Variants in HERC6 observed in about 807,000 individuals in gnomAD.
The protein encoded by HERC6 is probable E3 ubiquitin-protein ligase HERC6.
A neutral mutation model predicts 114.5 loss-of-function variants in HERC6; 101 were observed. That is an observed-to-expected ratio of 0.88 (90% CI 0.75 to 1.04). The LOEUF (loss-of-function observed/expected upper bound fraction) is 1.04, where lower values mean the gene tolerates loss of function less well. Among genes scored for constraint, HERC6 ranks in the 50% least tolerant of loss-of-function variants. The pLI is 0.00. For synonymous variants in HERC6, 408 were observed against 436.2 expected (o/e 0.94, Z 0.81); for missense variants, 1,133 against 1,230.9 (o/e 0.92, Z 1.19).
intron 7 of HERC6, among the ~76,000 whole-genome samples, chr4:88,397,242 A>C (rs1735287060): frequency 6.6e-6 from 1 of 151,544 alleles, no homozygotes; most frequent in African/African-American, 2.4e-5. Flanking sequence ...CCTCCTGAGT[A>C]GCTGGGATTA....
At chr4:88,384,530 G>A (rs928531705) in intron 2 of HERC6, among the ~76,000 whole-genome samples, 2 of 152,168 alleles carry the variant, frequency 1.3e-5, no homozygotes, top group African/African-American at 4.8e-5. Flanking sequence ...ATACTTAGGG[G>A]ATTTTCAAAC....
At position 88,442,704 on chromosome 4, in the gene HERC6, TC is replaced by T; in HGVS notation, c.*245del. ...GGACACACTCCCTGGCACTGAAGAG[TC>T]TGAACACTGGCCTGTGATTGGTCCA... On this transcript the variant is annotated 3_prime_UTR_variant, in exon 23 of 23. Transcript: ENST00000264346. The T allele has an allele frequency of 1.9e-6, 1 of 536,960 alleles. No homozygotes were observed. Among genetic ancestry groups the T allele is most frequent in the Non-Finnish European group, 3.4e-6 (1 of 298,232 alleles). The allele number at this position is 536,960 out of a possible 1,614,324, so 33.3% of individuals were successfully genotyped here.
chr4:88,393,677 C>A, intron 5 of HERC6, 95 bp downstream of exon 5: 2 of 627,292 alleles, frequency 3.2e-6, no homozygotes, highest in Non-Finnish European at 2.8e-6. Flanking sequence ...AGACATTAGC[C>A]CATTTGGGCC....
chr4:88,397,779 T>G (rs188289687), intron 7 of HERC6, among the ~76,000 whole-genome samples: 1 of 152,148 alleles, frequency 6.6e-6, no homozygotes, highest in Non-Finnish European at 1.5e-5. Context: ...CAATACACTT[T>G]TTTTCCATAA....
rs149917925 is a variant in HERC6 at position 88,421,277 on chromosome 4, A to G, written c.1714-2583A>G. ...TGTCTGTACAAATTTTTGTGTAGAC[A>G]TGTTTTCATTTCCCGTATATACCCA... On this transcript the variant is annotated intron_variant, in intron 13 of 22. Transcript: ENST00000264346. 8.4e-3 allele frequency among the ~76,000 whole-genome samples: 1,280 copies of G among 152,280 alleles called. 19 individuals carry two copies. Among genetic ancestry groups the G allele is most frequent in the Middle Eastern group, 0.021 (6 of 292 alleles).
intron 11 of HERC6, among the ~76,000 whole-genome samples, chr4:88,411,522 A>C (rs764784919): frequency 5.3e-5 from 8 of 152,360 alleles, no homozygotes; most frequent in Non-Finnish European, 1.2e-4. Flanking sequence ...TAATAAAAAC[A>C]ATATATAGTA....
Position 88,378,921 on chromosome 4 carries a change from G to C in HERC6, c.-1G>C, listed in dbSNP as rs763370275. 6.3e-7 allele frequency: 1 copy of C among 1,589,290 alleles called. No homozygotes were observed. The highest frequency in any genetic ancestry group is 8.6e-7 in the Non-Finnish European group (1 of 1,168,494). On this transcript the variant is annotated 5_prime_UTR_variant, in exon 1 of 23. Transcript: ENST00000264346. ...AGCAGGCGACAGGGCGCAGAAGCGGGATGTACTTCTGTTGGGGCGCCGACT... is the reference window on the plus strand; with the variant it reads ...AGCAGGCGACAGGGCGCAGAAGCGGCATGTACTTCTGTTGGGGCGCCGACT...
chr4:88,442,556 A>C lies in HERC6; in HGVS notation c.*96A>C. On this transcript the variant is annotated 3_prime_UTR_variant, in exon 23 of 23. Coordinates refer to ENST00000264346, the MANE Select transcript of HERC6 (RefSeq NM_017912.4). ...TACAAGAGATTAATGAATAGTGGTT[A>C]GAAGTAGTTGAGGGAGAGATTGGGG... The C allele has an allele frequency of 1.1e-6, 1 of 949,110 alleles. No individual in the cohort carries two copies. Among genetic ancestry groups the C allele is most frequent in the Non-Finnish European group, 1.6e-6 (1 of 615,742 alleles). 58.8% of individuals were successfully genotyped at this position (949,110 alleles called of 1,614,324 possible).
At chr4:88,437,397 G>T (rs548860710) in intron 19 of HERC6, among the ~76,000 whole-genome samples, 4 of 151,978 alleles carry the variant, frequency 2.6e-5, no homozygotes, top group African/African-American at 9.7e-5. Context: ...TTTCTGTACC[G>T]CAAGACTTTC....
chr4:88,432,256 G>A (rs991375048), intron 17 of HERC6, among the ~76,000 whole-genome samples: 16 of 151,780 alleles, frequency 1.1e-4, no homozygotes, highest in African/African-American at 2.7e-4. Context: ...TTTAGACTTC[G>A]GTCCTATCCC....
At chr4:88,379,178 T>C in intron 1 of HERC6, 58 bp downstream of exon 1, 1 of 1,345,638 alleles carries the variant, frequency 7.4e-7, no homozygotes, top group South Asian at 1.4e-5. Flanking sequence ...GCGCGGGGGC[T>C]TGGGTACCGG....
intron 3 of HERC6, among the ~76,000 whole-genome samples, chr4:88,388,534 G>A (rs1560534554): frequency 7.6e-6 from 1 of 131,856 alleles, no homozygotes; most frequent in Admixed American, 8.3e-5. Context: ...CTGGGTGACA[G>A]AGCAAGACTC....
chr4:88,389,047 G>T (rs558994985), intron 3 of HERC6, among the ~76,000 whole-genome samples: 1 of 152,248 alleles, frequency 6.6e-6, no homozygotes, highest in South Asian at 2.1e-4. Context: ...TTTATGAGGC[G>T]GTCAGGGAAG....
chr4:88,437,048 A>G, intron 19 of HERC6, 77 bp downstream of exon 19: 1 of 1,106,990 alleles, frequency 9.0e-7, no homozygotes, highest in South Asian at 1.6e-5. Context: ...TAGTATCTTA[A>G]ATTTGGGATC....
At chr4:88,429,222 A>G (rs943006164) in intron 16 of HERC6, among the ~76,000 whole-genome samples, 13 of 152,192 alleles carry the variant, frequency 8.5e-5, no homozygotes, top group Non-Finnish European at 1.8e-4. Flanking sequence ...TTCTTCCCAC[A>G]GTAGTGCCAG....
At chr4:88,418,362 A>G (rs1322428019) in intron 13 of HERC6, among the ~76,000 whole-genome samples, 3 of 152,216 alleles carry the variant, frequency 2.0e-5, no homozygotes, top group Non-Finnish European at 4.4e-5. Context: ...GCGAGCCAAA[A>G]GACCAAAAAA....
chr4:88,391,495 C>T (rs940521678), intron 4 of HERC6, among the ~76,000 whole-genome samples: 4 of 152,174 alleles, frequency 2.6e-5, no homozygotes, highest in African/African-American at 9.7e-5. Context: ...AAGTGGGAGA[C>T]CATTATTCTT....
intron 1 of HERC6, among the ~76,000 whole-genome samples, chr4:88,381,847 C>A (rs1413644247): frequency 1.3e-5 from 2 of 152,122 alleles, no homozygotes; most frequent in South Asian, 4.1e-4. Context: ...TGAGCCACTG[C>A]GCCCGGCTGA....
In HERC6 at chr4:88,436,950, T is replaced by C. The variant is rs754528092; in HGVS notation, c.2463T>C (p.Asp821=). 3.1e-6 allele frequency: 5 copies of C among 1,607,374 alleles called. No individual in the cohort carries two copies. The highest frequency in any genetic ancestry group is 4.3e-6 in the Non-Finnish European group (5 of 1,176,410). ...VLDDAADDIG[D]ALCIRFSIHW... is the part of the protein sequence containing the mutation. ...ATGATGCTGCTGATGACATTGGAGA[T>C]GCGCTCTGCATACGCTTTTCTGTGA... Residue 821 remains aspartate, a synonymous_variant, in exon 19 of 23, where the codon GAT becomes GAC. Transcript: ENST00000264346.
Sources: allele counts gnomAD v4.1 joint callset (sites outside exome capture counted in the v4.1 genomes callset), GRCh38; gene constraint gnomAD v4.1.1; transcripts MANE v1.5; gene names NCBI Gene and HGNC (gene_info 2026-07-23, HGNC 2026-07-21).